Variants in SOCS6 observed in about 807,000 individuals in gnomAD.
The protein encoded by SOCS6 is suppressor of cytokine signaling 6, also known as STAT induced STAT inhibitor-4.
In SOCS6, 5 loss-of-function variants were observed where a neutral mutation model predicts 27.7. The ratio of observed to expected loss-of-function variants is 0.18; its 90% CI spans 0.09 to 0.38. SOCS6 has a LOEUF of 0.38. Among genes scored for constraint, SOCS6 ranks in the 10% least tolerant of loss-of-function variants. The probability of loss-of-function intolerance (pLI) is 1.00; values close to 1 mark genes in which losing one functional copy is unlikely to be tolerated. For synonymous variants in SOCS6, 271 were observed against 260.0 expected (o/e 1.04, Z -0.41); for missense variants, 595 against 688.1 (o/e 0.86, Z 1.51).
chr18:70,290,983 C>T (rs550411115), intron 1 of SOCS6, among the ~76,000 whole-genome samples: 17 of 152,262 alleles, frequency 1.1e-4, no homozygotes, highest in African/African-American at 3.9e-4. Flanking sequence ...ATTGACTGGG[C>T]GTAGGGTGGA....
At chr18:70,304,674 G>A (rs928761886) in intron 1 of SOCS6, among the ~76,000 whole-genome samples, 1 of 152,086 alleles carries the variant, frequency 6.6e-6, no homozygotes, top group African/African-American at 2.4e-5. Flanking sequence ...TGTCAGTTAC[G>A]ATACACAGAT....
intron 1 of SOCS6, among the ~76,000 whole-genome samples, chr18:70,309,127 G>A (rs1013801027): frequency 6.6e-6 from 1 of 152,174 alleles, no homozygotes; most frequent in African/African-American, 2.4e-5. Flanking sequence ...CAGTGAGAAA[G>A]CAGCCATAAA....
intron 1 of SOCS6, among the ~76,000 whole-genome samples, chr18:70,292,403 C>T (rs1434367916): frequency 3.3e-5 from 5 of 152,226 alleles, no homozygotes; most frequent in Admixed American, 6.5e-5. Flanking sequence ...TGCAGTGGCA[C>T]GGTTAGGACT....
chr18:70,306,199 C>T (rs2062368497), intron 1 of SOCS6, among the ~76,000 whole-genome samples: 1 of 152,078 alleles, frequency 6.6e-6, no homozygotes, highest in Admixed American at 6.6e-5. Flanking sequence ...CACTGCACCC[C>T]AGCCTGGTGA....
Position 70,329,569 on chromosome 18 carries a change from C to A in SOCS6, c.*3293C>A, listed in dbSNP as rs1042083259. The stretch of plus-strand genomic sequence containing the variant: ...GCTTTATGAATGAATCGGAATAATA[C>A]ATTTTCATTTAAATCTTAATTGCTT... On this transcript the variant is annotated 3_prime_UTR_variant, in exon 2 of 2. Coordinates refer to ENST00000397942, the MANE Select transcript of SOCS6 (RefSeq NM_004232.4). The A allele has an allele frequency of 6.0e-6, 1 of 167,044 alleles. No homozygotes were observed. Among genetic ancestry groups the A allele is most frequent in the East Asian group, 1.9e-4 (1 of 5,210 alleles). 10.3% of individuals were successfully genotyped at this position (167,044 alleles called of 1,614,324 possible).
chr18:70,321,080 C>T (rs567801674), intron 1 of SOCS6, among the ~76,000 whole-genome samples: 1 of 152,030 alleles, frequency 6.6e-6, no homozygotes, highest in African/African-American at 2.4e-5. Flanking sequence ...AGTTCAAGAC[C>T]AGCCCGGGCA....
chr18:70,321,486 A>ATTTTTTTTTTTTTTTT (rs765150837), intron 1 of SOCS6, among the ~76,000 whole-genome samples: 38 of 112,626 alleles, frequency 3.4e-4, no homozygotes, highest in African/African-American at 1.2e-3. Context: ...ATGCCTGGCT[A>ATTTTTTTTTTTTTTTT]TTTTTTTTTT....
chr18:70,306,154 C>A (rs1290306277), intron 1 of SOCS6, among the ~76,000 whole-genome samples: 1 of 152,032 alleles, frequency 6.6e-6, no homozygotes, highest in Non-Finnish European at 1.5e-5. Flanking sequence ...TGGTTGAGCT[C>A]AGGAGGTCGA....
At chr18:70,293,189 T>C (rs4891840) in intron 1 of SOCS6, among the ~76,000 whole-genome samples, 52,156 of 152,012 alleles carry the variant, frequency 0.34, 9,280 homozygotes, top group East Asian at 0.56. Context: ...CATGTTGTTA[T>C]CTACACCTTA....
At chr18:70,310,508 G>A (rs563102343) in intron 1 of SOCS6, among the ~76,000 whole-genome samples, 95 of 120,530 alleles carry the variant, frequency 7.9e-4, no homozygotes, top group Non-Finnish European at 1.3e-3. Context: ...GGATCTTCCT[G>A]TGTTGCCCAG....
At chr18:70,300,071 C>A (rs2062341528) in intron 1 of SOCS6, among the ~76,000 whole-genome samples, 1 of 152,052 alleles carries the variant, frequency 6.6e-6, no homozygotes, top group Non-Finnish European at 1.5e-5. Flanking sequence ...TTAAATGCAA[C>A]TTGTTAAAAT....
At chr18:70,314,475 A>G (rs1365439130) in intron 1 of SOCS6, among the ~76,000 whole-genome samples, 9 of 152,272 alleles carry the variant, frequency 5.9e-5, no homozygotes, top group South Asian at 4.2e-4. Flanking sequence ...GTTTAGATAC[A>G]CAAATACTTA....
At position 70,289,244 on chromosome 18, in the gene SOCS6, C is replaced by T. The variant is rs547474907; in HGVS notation, c.-127+154C>T. 1.5e-3 allele frequency among the ~76,000 whole-genome samples: 231 copies of T among 149,956 alleles called. 1 individual carries two copies. The highest frequency in any genetic ancestry group is 3.5e-3 in the Middle Eastern group (1 of 288). On this transcript the variant is annotated intron_variant, in intron 1 of 1. Coordinates refer to ENST00000397942, the MANE Select transcript of SOCS6 (RefSeq NM_004232.4). ...GCCAGGGAGGCCGCCGGGCGCGGGG[C>T]TGCAGCGACGGGTCTGGGTCAGCGC...
intron 1 of SOCS6, among the ~76,000 whole-genome samples, chr18:70,298,351 G>C (rs944438450): frequency 6.6e-6 from 1 of 151,988 alleles, no homozygotes; most frequent in African/African-American, 2.4e-5. Context: ...TATATTTTTA[G>C]TTAAAATAAT....
rs182557136 is a variant in SOCS6, at chr18:70,328,111, A to G, written c.*1835A>G. Reference sequence around the variant, plus strand: ...AATATGGAGTATACTGTAATAATATAAGTGTTCATTATAAGCTATTTGGAT... The same window carrying G: ...AATATGGAGTATACTGTAATAATATGAGTGTTCATTATAAGCTATTTGGAT... On this transcript the variant is annotated 3_prime_UTR_variant, in exon 2 of 2. Coordinates refer to ENST00000397942, the MANE Select transcript of SOCS6 (RefSeq NM_004232.4). The G allele has an allele frequency of 1.6e-4, 26 of 166,856 alleles. No individual in the cohort carries two copies. Among genetic ancestry groups the G allele is most frequent in the African/African-American group, 6.0e-4 (25 of 41,590 alleles). 10.3% of individuals were successfully genotyped at this position (166,856 alleles called of 1,614,324 possible).
rs748565655 is a variant in SOCS6, at chr18:70,324,839, C to T, written c.171C>T (p.Asn57=). The change falls in exon 2 of 2, where the codon AAC becomes AAT. Residue 57 remains asparagine (N), a synonymous_variant. Transcript: ENST00000397942. ...YGKDMASCDI[N]GEDEKGGKNR... ...AAGATATGGCCAGCTGCGATATCAA[C>T]GGTGAAGATGAAAAAGGCGGAAAAA... 22 of 1,613,950 alleles carry T rather than the reference C, an allele frequency of 1.4e-5. No homozygotes were observed. Among genetic ancestry groups the T allele is most frequent in the South Asian group, 5.5e-5 (5 of 91,090 alleles).
intron 1 of SOCS6, among the ~76,000 whole-genome samples, chr18:70,324,010 T>C (rs1911088149): frequency 6.6e-6 from 1 of 152,132 alleles, no homozygotes; most frequent in African/African-American, 2.4e-5. Flanking sequence ...TTGTTCTTTA[T>C]AAACATCATC....
At chr18:70,302,813 G>A (rs1252170031) in intron 1 of SOCS6, among the ~76,000 whole-genome samples, 1 of 152,062 alleles carries the variant, frequency 6.6e-6, no homozygotes, top group African/African-American at 2.4e-5. Flanking sequence ...GTTATTTTGA[G>A]CAGGTAAAGA....
intron 1 of SOCS6, among the ~76,000 whole-genome samples, chr18:70,300,431 A>G (rs1228472030): frequency 6.6e-6 from 1 of 152,178 alleles, no homozygotes; most frequent in East Asian, 1.9e-4. Context: ...GCCCAGCCTC[A>G]TTAATCAATT....
Sources: allele counts gnomAD v4.1 joint callset (sites outside exome capture counted in the v4.1 genomes callset), GRCh38; gene constraint gnomAD v4.1.1; transcripts MANE v1.5; gene names NCBI Gene and HGNC (gene_info 2026-07-23, HGNC 2026-07-21).